The following GRIN2A variants were observed in gnomAD, a reference collection of about 807,000 sequenced individuals.
The protein encoded by GRIN2A is glutamate receptor ionotropic, NMDA 2A.
GRIN2A carries 22 observed loss-of-function variants against 113.4 expected under a neutral mutation model. The observed-to-expected ratio is 0.19, with a 90% CI of 0.14 to 0.28. The LOEUF is 0.28. GRIN2A is among the 10% of genes least tolerant of loss of function. The probability of loss-of-function intolerance (pLI) is 1.00; values close to 1 mark genes in which losing one functional copy is unlikely to be tolerated. For synonymous variants in GRIN2A, 827 were observed against 738.4 expected (o/e 1.12, Z -1.94); for missense variants, 1,502 against 1,887.0 (o/e 0.80, Z 3.78).
chr16:9,813,057 C>G (rs1044882484), intron 10 of GRIN2A, among the ~76,000 whole-genome samples: 1 of 152,212 alleles, frequency 6.6e-6, no homozygotes, highest in Admixed American at 6.5e-5. Context: ...TGCTACAGGA[C>G]GACATTCTCC....
chr16:10,160,849 A>C (rs2049795770), intron 2 of GRIN2A, among the ~76,000 whole-genome samples: 1 of 152,172 alleles, frequency 6.6e-6, no homozygotes, highest in Admixed American at 6.5e-5. Flanking sequence ...TCCAGGCACA[A>C]AAATGATAAG....
intron 3 of GRIN2A, among the ~76,000 whole-genome samples, chr16:9,910,573 C>T (rs913405372): frequency 2.8e-5 from 4 of 145,034 alleles, no homozygotes; most frequent in South Asian, 4.4e-4. Flanking sequence ...GGAGTCTTGC[C>T]GTTGCCCAGG....
chr16:10,166,502 G>T (rs2049927830), intron 2 of GRIN2A, among the ~76,000 whole-genome samples: 1 of 152,222 alleles, frequency 6.6e-6, no homozygotes, highest in African/African-American at 2.4e-5. Flanking sequence ...GCCTCTTCCA[G>T]ACCAGCTCTC....
At chr16:10,081,187 C>A (rs1432696393) in intron 2 of GRIN2A, among the ~76,000 whole-genome samples, 1 of 152,222 alleles carries the variant, frequency 6.6e-6, no homozygotes, top group Non-Finnish European at 1.5e-5. Context: ...CAACTGCACT[C>A]ACTGCTACGC....
At chr16:9,769,434 G>GT (rs1468342744) in intron 11 of GRIN2A, among the ~76,000 whole-genome samples, 1 of 114,470 alleles carries the variant, frequency 8.7e-6, no homozygotes, top group African/African-American at 3.2e-5. Context: ...TCCTGGTTTT[G>GT]TTTTTTGGAG....
chr16:10,057,149 T>C (rs942428649), intron 2 of GRIN2A, among the ~76,000 whole-genome samples: 14 of 152,268 alleles, frequency 9.2e-5, no homozygotes, highest in African/African-American at 1.4e-4. Context: ...TTATTTAGGG[T>C]CTATGTGCCA....
At chr16:10,047,742 C>T (rs150354382) in intron 2 of GRIN2A, among the ~76,000 whole-genome samples, 1 of 152,172 alleles carries the variant, frequency 6.6e-6, no homozygotes, top group Non-Finnish European at 1.5e-5. Flanking sequence ...TTAATATATC[C>T]TTTTCTGCCC....
intron 4 of GRIN2A, among the ~76,000 whole-genome samples, chr16:9,855,679 G>A (rs191438017): frequency 1.8e-3 from 280 of 152,284 alleles, no homozygotes; most frequent in African/African-American, 5.4e-3. Context: ...AATTAGAAGA[G>A]GGGCAAAGGT....
chr16:9,854,167 A>C (rs2042930367), intron 4 of GRIN2A, among the ~76,000 whole-genome samples: 1 of 152,166 alleles, frequency 6.6e-6, no homozygotes, highest in Non-Finnish European at 1.5e-5. Flanking sequence ...TGCATGAGTC[A>C]GAAAGTGTTA....
At chr16:10,011,498 CCACT>C (rs1238024425) in intron 2 of GRIN2A, among the ~76,000 whole-genome samples, 1 of 152,096 alleles carries the variant, frequency 6.6e-6, no homozygotes, top group African/African-American at 2.4e-5. Context: ...CCCAAATCAA[CCACT>C]CATTCTCCAA....
At chr16:9,926,131 C>T (rs1167897495) in intron 3 of GRIN2A, among the ~76,000 whole-genome samples, 25 of 152,152 alleles carry the variant, frequency 1.6e-4, no homozygotes, top group Admixed American at 1.6e-3. Context: ...GGGAACTCTC[C>T]TTGGGTAATT....
chr16:10,092,813 T>C (rs1324790478), intron 2 of GRIN2A, among the ~76,000 whole-genome samples: 3 of 150,704 alleles, frequency 2.0e-5, no homozygotes, highest in Non-Finnish European at 4.4e-5. Context: ...AGGCATTAAA[T>C]CTCAAGGTAT....
chr16:10,113,810 G>A (rs185353691), intron 2 of GRIN2A, among the ~76,000 whole-genome samples: 32 of 152,258 alleles, frequency 2.1e-4, no homozygotes, highest in East Asian at 9.7e-4. Context: ...GTGTGACAGC[G>A]TTATTGAGTT....
chr16:10,073,630 T>C (rs61069436), intron 2 of GRIN2A, among the ~76,000 whole-genome samples: 6,582 of 151,988 alleles, frequency 0.043, 493 homozygotes, highest in African/African-American at 0.15. Flanking sequence ...AGACAAAATA[T>C]TAGACATCCT....
intron 2 of GRIN2A, among the ~76,000 whole-genome samples, chr16:9,991,926 G>A (rs925930896): frequency 1.3e-5 from 2 of 152,194 alleles, no homozygotes; most frequent in Non-Finnish European, 2.9e-5. Flanking sequence ...GGGAGGGATA[G>A]CATTAGGACA....
At chr16:10,078,176 A>G (rs2047912223) in intron 2 of GRIN2A, among the ~76,000 whole-genome samples, 1 of 152,250 alleles carries the variant, frequency 6.6e-6, no homozygotes, top group Non-Finnish European at 1.5e-5. Context: ...TGACAACAAC[A>G]ATAATGAAGT....
chr16:10,026,927 GT>G (rs1361525670), intron 2 of GRIN2A, among the ~76,000 whole-genome samples: 28 of 152,246 alleles, frequency 1.8e-4, no homozygotes, highest in African/African-American at 6.7e-4. Context: ...CCACCTGCCT[GT>G]TCTCAAGTGG....
At chr16:10,167,506 G>T (rs905221261) in intron 2 of GRIN2A, among the ~76,000 whole-genome samples, 1 of 152,026 alleles carries the variant, frequency 6.6e-6, no homozygotes, top group Non-Finnish European at 1.5e-5. Flanking sequence ...TTTAAGAGAA[G>T]ATCCTTTCCA....
intron 9 of GRIN2A, among the ~76,000 whole-genome samples, chr16:9,824,669 C>G (rs1411149006): frequency 1.3e-5 from 2 of 152,174 alleles, no homozygotes; most frequent in Non-Finnish European, 2.9e-5. Context: ...TGAAGACTGT[C>G]AAACTTTTTA....
Sources: gnomAD v4.1 joint callset for allele counts (sites outside exome capture counted in the v4.1 genomes callset) on GRCh38, gnomAD v4.1.1 for gene constraint, MANE v1.5 for transcripts, NCBI Gene and HGNC (gene_info 2026-07-23, HGNC 2026-07-21) for gene names.